Variants in ISY1 observed in about 807,000 individuals in gnomAD.
ISY1 encodes pre-mRNA-splicing factor ISY1 homolog.
A neutral mutation model predicts 54.4 loss-of-function variants in ISY1; 12 were observed. The ratio of observed to expected loss-of-function variants is 0.22; its 90% confidence interval spans 0.14 to 0.36. The LOEUF (loss-of-function observed/expected upper bound fraction) is 0.36, where lower values mean the gene tolerates loss of function less well. Ranked by LOEUF, ISY1 falls within the 10% of genes least tolerant of loss-of-function variation. The pLI is 1.00. For missense variants in ISY1, 282 were observed against 342.2 expected (o/e 0.82, Z 1.39); for synonymous variants, 96 against 117.9 (o/e 0.81, Z 1.20).
chr3:129,136,526 G>A (rs923722488), intron 7 of ISY1, among the ~76,000 whole-genome samples: 3 of 151,732 alleles, frequency 2.0e-5, no homozygotes, highest in Admixed American at 6.6e-5. Flanking sequence ...TTTGTGGGAC[G>A]GAGTCTCGCT....
intron 5 of ISY1, among the ~76,000 whole-genome samples, chr3:129,154,251 A>C (rs1414273323): frequency 6.7e-6 from 1 of 149,468 alleles, no homozygotes; most frequent in African/African-American, 2.5e-5. Flanking sequence ...TCAAAAAAAA[A>C]AAAAAAAAAA....
chr3:129,153,807 A>T (rs1937046808), intron 5 of ISY1, among the ~76,000 whole-genome samples: 1 of 151,958 alleles, frequency 6.6e-6, no homozygotes, highest in South Asian at 2.1e-4. Flanking sequence ...AAACAAAACA[A>T]AATGAACTAT....
intron 1 of ISY1, among the ~76,000 whole-genome samples, chr3:129,160,231 A>G (rs936603294): frequency 2.0e-5 from 3 of 152,064 alleles, no homozygotes; most frequent in Admixed American, 6.6e-5. Flanking sequence ...GGCTTCCAAT[A>G]TATCTCTTAT....
chr3:129,131,876 C>G, intron 9 of ISY1, among the ~76,000 whole-genome samples: 1 of 152,192 alleles, frequency 6.6e-6, no homozygotes, highest in East Asian at 1.9e-4. Context: ...AGTTCCCAGG[C>G]TGGAGTGCAG....
chr3:129,142,099 G>A (rs1470505379), intron 6 of ISY1, among the ~76,000 whole-genome samples: 1 of 151,838 alleles, frequency 6.6e-6, no homozygotes, highest in Non-Finnish European at 1.5e-5. Context: ...CAGCTACTTG[G>A]GAGGCTGGAG....
Position 129,130,630 on chromosome 3 carries a change from C to T in ISY1, c.670G>A (p.Glu224Lys). Residue 224 changes from glutamate to lysine, a missense_variant, in exon 10 of 11, where the codon GAG (glutamate) becomes AAG (lysine). Physicochemically the swap from Glu to Lys is moderately conservative, Grantham distance 56. Around this residue, in one of 2 missense-constraint regions of ISY1, gnomAD observed 279 missense variants for 323.6 expected, o/e 0.86. Transcript: ENST00000393295. ...IYAVTEEESD[E>K]EGSQEKGGDD... Reference sequence around the variant, plus strand: ...CCTCCTTTCTCCTGGCTGCCTTCCTCGTCCGACTACAAACAGAACAAACGA... The same window carrying T: ...CCTCCTTTCTCCTGGCTGCCTTCCTTGTCCGACTACAAACAGAACAAACGA... 1.2e-6 allele frequency: 2 copies of T among 1,614,068 alleles called. No homozygotes were observed. Among genetic ancestry groups the T allele is most frequent in the Non-Finnish European group, 8.5e-7 (1 of 1,179,996 alleles).
chr3:129,134,781 C>G, intron 8 of ISY1, 51 bp downstream of exon 8: 1 of 1,553,540 alleles, frequency 6.4e-7, no homozygotes, highest in African/African-American at 1.4e-5. Flanking sequence ...TCAAAGGACA[C>G]AACAGAAAAC....
chr3:129,134,039 T>C lies in ISY1; in HGVS notation c.663+35A>G. On this transcript the variant is annotated intron_variant, in intron 9 of 10. Transcript: ENST00000393295. ...GCCACACTTCATGGCTTGGAACAGA[T>C]GGCAGTGAGTGCCAGAGGGGGCCAA... 5.0e-6 allele frequency: 8 copies of C among 1,612,992 alleles called. No individual in the cohort carries two copies. In the South Asian group the frequency reaches 5.5e-5, roughly 11 times the overall value.
intron 3 of ISY1, among the ~76,000 whole-genome samples, 186 bp downstream of exon 3, chr3:129,158,322 C>T (rs1937206054): frequency 6.6e-6 from 1 of 151,850 alleles, no homozygotes; most frequent in East Asian, 1.9e-4. Flanking sequence ...CCTGGCTAGG[C>T]TAATCTTTGT....
chr3:129,153,224 G>C (rs1203926510), intron 5 of ISY1, among the ~76,000 whole-genome samples: 1 of 151,836 alleles, frequency 6.6e-6, no homozygotes, highest in African/African-American at 2.4e-5. Flanking sequence ...TGGCCAGCCT[G>C]GTCTTGAACT....
chr3:129,137,709 G>A (rs1936460682), intron 7 of ISY1, among the ~76,000 whole-genome samples: 1 of 151,852 alleles, frequency 6.6e-6, no homozygotes, highest in South Asian at 2.1e-4. Flanking sequence ...AGGAGATAGA[G>A]ACCATCCTGG....
intron 5 of ISY1, 145 bp downstream of exon 5, chr3:129,156,488 G>T: frequency 4.0e-6 from 3 of 742,062 alleles, no homozygotes; most frequent in Non-Finnish European, 2.2e-6. Context: ...ACATCAAACT[G>T]ACTGATCGTA....
intron 7 of ISY1, among the ~76,000 whole-genome samples, chr3:129,136,782 T>C (rs181508689): frequency 0.019 from 2,930 of 151,616 alleles, 74 homozygotes; most frequent in African/African-American, 0.066. Flanking sequence ...CTCCGCCTCC[T>C]GGGTTCACGC....
At chr3:129,154,709 GAC>G (rs1342503747) in intron 5 of ISY1, among the ~76,000 whole-genome samples, 4 of 116,924 alleles carry the variant, frequency 3.4e-5, no homozygotes, top group Non-Finnish European at 7.2e-5. Context: ...TTTTTTTTGA[GAC>G]AGAGTCTCGC....
intron 3 of ISY1, among the ~76,000 whole-genome samples, chr3:129,157,663 G>A (rs542660551): frequency 1.4e-5 from 2 of 144,068 alleles, no homozygotes; most frequent in African/African-American, 5.1e-5. Context: ...GGAGGTTACA[G>A]TGAGCCAAGA....
intron 6 of ISY1, among the ~76,000 whole-genome samples, chr3:129,140,759 C>T (rs1338499989): frequency 2.0e-5 from 3 of 151,886 alleles, no homozygotes; most frequent in Admixed American, 1.3e-4. Context: ...TTAGTAGAGA[C>T]GGGGTTTCAC....
At chr3:129,144,301 T>C (rs1936708748) in intron 6 of ISY1, 1 of 246,004 alleles carries the variant, frequency 4.1e-6, no homozygotes, top group Non-Finnish European at 8.3e-6. Flanking sequence ...AGAAGTCTCC[T>C]AGTGCAGTGC....
intron 7 of ISY1, chr3:129,137,215 T>A: frequency 6.1e-6 from 6 of 985,292 alleles, no homozygotes; most frequent in Non-Finnish European, 7.2e-6. Flanking sequence ...ATAAAAAAAT[T>A]TTTAAGGCCG....
intron 5 of ISY1, among the ~76,000 whole-genome samples, chr3:129,148,278 T>C (rs1265462185): frequency 6.6e-6 from 1 of 152,204 alleles, no homozygotes; most frequent in African/African-American, 2.4e-5. Flanking sequence ...AGAAAAGTAT[T>C]ACATTTCTCT....
Sources: allele counts gnomAD v4.1 joint callset (sites outside exome capture counted in the v4.1 genomes callset), GRCh38; gene constraint gnomAD v4.1.1; regional missense constraint gnomAD v4.1.1; transcripts MANE v1.5; gene names NCBI Gene and HGNC (gene_info 2026-07-23, HGNC 2026-07-21).